Variants in CDH4 observed in about 807,000 individuals in gnomAD.
CDH4 encodes cadherin-4.
Under a neutral mutation model 86.0 loss-of-function variants are expected in CDH4, and 33 were observed. The observed-to-expected ratio is 0.38, with a 90% confidence interval of 0.29 to 0.51. The LOEUF (loss-of-function observed/expected upper bound fraction) is 0.51. Among genes scored for constraint, CDH4 ranks in the 20% least tolerant of loss-of-function variants. CDH4 has a pLI of 0.86. For synonymous variants in CDH4, 555 were observed against 549.4 expected (o/e 1.01, Z -0.14); for missense variants, 1,114 against 1,307.4 (o/e 0.85, Z 2.28).
In CDH4 at chr20:61,858,077, CTG is replaced by C. The variant is rs560967174; in HGVS notation, c.877+5187_877+5188del. On this transcript the variant is annotated intron_variant, in intron 6 of 15. Transcript: ENST00000614565. Reference sequence around the variant, plus strand: ...TCTGTGTGTGTGTCTGTATATGTCTCTGTGTGTGTCTCTGTGTCTGTGTCTCT... The same window carrying C: ...TCTGTGTGTGTGTCTGTATATGTCTCTGTGTGTCTCTGTGTCTGTGTCTCT... Among the ~76,000 whole-genome samples, 16 of 139,118 alleles carry C rather than the reference CTG, an allele frequency of 1.2e-4. No homozygotes were observed. The South Asian group carries it at 3.2e-3, about 28-fold the overall frequency. The allele number at this position is 139,118 out of a possible 152,430, so 91.3% of individuals were successfully genotyped here.
At chr20:61,662,412 C>T (rs963318692) in intron 2 of CDH4, among the ~76,000 whole-genome samples, 34 of 152,234 alleles carry the variant, frequency 2.2e-4, no homozygotes, top group African/African-American at 4.1e-4. Flanking sequence ...CTGTCCTCAA[C>T]GTTCTCAGCT....
intron 2 of CDH4, among the ~76,000 whole-genome samples, chr20:61,678,526 G>A (rs956963855): frequency 6.6e-6 from 1 of 152,236 alleles, no homozygotes; most frequent in African/African-American, 2.4e-5. Flanking sequence ...AGGAAAGTAA[G>A]CATCTCAGCA....
At chr20:61,502,776 C>G (rs2085713782) in intron 2 of CDH4, among the ~76,000 whole-genome samples, 1 of 152,164 alleles carries the variant, frequency 6.6e-6, no homozygotes. Flanking sequence ...TTACTCTTAC[C>G]AGAACTAGCT....
chr20:61,496,632 C>A (rs2085664811), intron 2 of CDH4, among the ~76,000 whole-genome samples: 1 of 152,236 alleles, frequency 6.6e-6, no homozygotes, highest in Non-Finnish European at 1.5e-5. Context: ...TTTAGGCACG[C>A]ATTCCCTCAG....
chr20:61,554,524 C>G (rs73611538), intron 2 of CDH4, among the ~76,000 whole-genome samples: 1 of 152,154 alleles, frequency 6.6e-6, no homozygotes, highest in East Asian at 1.9e-4. Context: ...AGCCTTTCCC[C>G]GTGGGGCTCA....
At chr20:61,845,672 C>T (rs1195945285) in intron 5 of CDH4, among the ~76,000 whole-genome samples, 1 of 151,928 alleles carries the variant, frequency 6.6e-6, no homozygotes, top group East Asian at 1.9e-4. Flanking sequence ...CCCTGCTCCT[C>T]CTCATGGGGT....
At chr20:61,704,689 A>G (rs1040032053) in intron 2 of CDH4, among the ~76,000 whole-genome samples, 1 of 152,000 alleles carries the variant, frequency 6.6e-6, no homozygotes, top group South Asian at 2.1e-4. Context: ...TAAAATATGG[A>G]ATTTGCCAAT....
intron 6 of CDH4, among the ~76,000 whole-genome samples, chr20:61,860,702 C>T (rs1377545042): frequency 1.3e-5 from 2 of 152,202 alleles, no homozygotes; most frequent in African/African-American, 4.8e-5. Context: ...TGACAGTGAC[C>T]ACTGAAGGCG....
chr20:61,821,729 C>T (rs1981054442), intron 4 of CDH4, among the ~76,000 whole-genome samples: 2 of 152,250 alleles, frequency 1.3e-5, no homozygotes. Flanking sequence ...GAAGGTTTTC[C>T]TCTCCTGGGA....
intron 2 of CDH4, among the ~76,000 whole-genome samples, chr20:61,425,310 C>T (rs908262829): frequency 6.6e-6 from 1 of 152,140 alleles, no homozygotes; most frequent in Non-Finnish European, 1.5e-5. Flanking sequence ...GCAGTGGCAC[C>T]CTGAACCTGG....
Position 61,252,537 on chromosome 20 carries a change from C to T in CDH4, c.24C>T (p.Leu8=). The T allele has an allele frequency of 8.3e-7, 1 of 1,200,408 alleles. No individual in the cohort carries two copies. Among genetic ancestry groups the T allele is most frequent in the Non-Finnish European group, 1.0e-6 (1 of 967,862 alleles). The allele number at this position is 1,200,408 out of a possible 1,614,324, so 74.4% of individuals were successfully genotyped here. ...AGATGACCGCGGGCGCCGGCGTGCT[C>T]CTTCTGCTGCTCTCGCTCTCCGGCG... MTAGAGV[L]LLLLSLSGAL... Residue 8 remains leucine (L), a synonymous_variant, in exon 1 of 16, where the codon CTC becomes CTT. Transcript: ENST00000614565. The surrounding 1 kb of genome is among the most constrained non-coding windows in gnomAD (Gnocchi z 4.4).
chr20:61,937,941 G>A lies in CDH4; in HGVS notation c.*998G>A, dbSNP rs755908293. On this transcript the variant is annotated 3_prime_UTR_variant, in exon 16 of 16. Coordinates refer to ENST00000614565, the MANE Select transcript of CDH4 (RefSeq NM_001794.5). ...CAGCTCCAACCATCCGGAGGGCTGTGCAGATGGCAGGAACCAAGGACCCTC... is the reference window on the plus strand; with the variant it reads ...CAGCTCCAACCATCCGGAGGGCTGTACAGATGGCAGGAACCAAGGACCCTC... The A allele has an allele frequency of 6.6e-6, 1 of 152,468 alleles. No individual in the cohort carries two copies. The highest frequency in any genetic ancestry group is 1.5e-5 in the Non-Finnish European group (1 of 68,224). The allele number at this position is 152,468 out of a possible 1,614,324, so 9.4% of individuals were successfully genotyped here. A position where few individuals can be genotyped will look rare whatever the true frequency, so the allele number is the denominator to read the frequency against.
chr20:61,716,188 G>A (rs2087950546), intron 2 of CDH4, among the ~76,000 whole-genome samples: 1 of 152,166 alleles, frequency 6.6e-6, no homozygotes, highest in Admixed American at 6.5e-5. Context: ...CCCTTGGCTG[G>A]AGCTATAAAG....
intron 4 of CDH4, among the ~76,000 whole-genome samples, chr20:61,774,287 A>C (rs2088813110): frequency 6.6e-6 from 1 of 152,192 alleles, no homozygotes. Context: ...TCAGGGCTTG[A>C]AGGAAGCCAC....
intron 2 of CDH4, among the ~76,000 whole-genome samples, chr20:61,730,483 C>T (rs2088165788): frequency 1.3e-5 from 2 of 152,234 alleles, no homozygotes; most frequent in African/African-American, 4.8e-5. Flanking sequence ...GGCCTGATAG[C>T]TCATTGGATA....
rs1310179780 is a variant in CDH4 at position 61,517,482 on chromosome 20, A to G, written c.170-226081A>G. 6.6e-6 allele frequency among the ~76,000 whole-genome samples: 1 copy of G among 152,206 alleles called. No individual in the cohort carries two copies. The highest frequency in any genetic ancestry group is 1.5e-5 in the Non-Finnish European group (1 of 68,034). On this transcript the variant is annotated intron_variant, in intron 2 of 15. Coordinates refer to ENST00000614565, the MANE Select transcript of CDH4 (RefSeq NM_001794.5). The surrounding 1 kb of genome is among the most constrained non-coding windows in gnomAD (Gnocchi z 6.6). ...AGTGCTGGGATTGCAGGTATGAGCC[A>G]CCATGCCTGGCCTATAGACTTTTGT...
chr20:61,655,011 G>C (rs2087172211), intron 2 of CDH4, among the ~76,000 whole-genome samples: 1 of 152,286 alleles, frequency 6.6e-6, no homozygotes, highest in Admixed American at 6.5e-5. Flanking sequence ...CTGTGGGGAG[G>C]AGGCGACACT....
intron 2 of CDH4, among the ~76,000 whole-genome samples, chr20:61,595,517 G>T (rs547095205): frequency 6.6e-6 from 1 of 152,228 alleles, no homozygotes; most frequent in African/African-American, 2.4e-5. Flanking sequence ...GGAACACCCC[G>T]TGGGGCCCTC....
At chr20:61,455,804 T>C (rs776776389) in intron 2 of CDH4, among the ~76,000 whole-genome samples, 7 of 152,156 alleles carry the variant, frequency 4.6e-5, no homozygotes, top group Non-Finnish European at 1.0e-4. Flanking sequence ...GAGGACGCTG[T>C]GTATGGTCCT....
Sources: gnomAD v4.1 joint callset for allele counts (sites outside exome capture counted in the v4.1 genomes callset) on GRCh38, gnomAD v4.1.1 for gene constraint, Gnocchi (gnomAD v3.1) non-coding constraint, MANE v1.5 for transcripts, NCBI Gene and HGNC (gene_info 2026-07-23, HGNC 2026-07-21) for gene names.